Variants in APC observed in about 807,000 individuals in gnomAD.
The protein encoded by APC is adenomatous polyposis coli protein.
In APC, 72 loss-of-function variants were observed where a neutral mutation model predicts 247.0. The ratio of observed to expected loss-of-function variants is 0.29; its 90% CI spans 0.24 to 0.35. APC has a LOEUF of 0.35. Among genes scored for constraint, APC ranks in the 10% least tolerant of loss-of-function variants. The pLI is 1.00. For missense variants in APC, 3,400 were observed against 3,360.7 expected (o/e 1.01, Z -0.29); for synonymous variants, 1,254 against 1,162.5 (o/e 1.08, Z -1.60).
chr5:112,757,848 G>A lies in APC; in HGVS notation c.135+2823G>A, dbSNP rs13167961. ...GTCTTTGTAGCAGCCAGGGAAATAA[G>A]TGTTTATGGGTTAGGGAAATGTGAA... On this transcript the variant is annotated intron_variant, in intron 2 of 15. Coordinates refer to ENST00000257430, the MANE Select transcript of APC (RefSeq NM_000038.6). 1.6e-3 allele frequency among the ~76,000 whole-genome samples: 248 copies of A among 152,208 alleles called. 1 individual carries two copies. The highest frequency in any genetic ancestry group is 3.1e-3 in the Non-Finnish European group (209 of 67,994).
At chr5:112,791,049 T>G (rs1487263655) in intron 6 of APC, among the ~76,000 whole-genome samples, 1 of 152,232 alleles carries the variant, frequency 6.6e-6, no homozygotes, top group African/African-American at 2.4e-5. Context: ...GTTTGATTTG[T>G]CATAAACTAG....
chr5:112,713,398 T>A (rs933977836), intron 1 of APC, among the ~76,000 whole-genome samples: 1 of 152,110 alleles, frequency 6.6e-6, no homozygotes, highest in African/African-American at 2.4e-5. Flanking sequence ...TGTCCTTTCA[T>A]CTCTTAATTA....
intron 1 of APC, among the ~76,000 whole-genome samples, chr5:112,751,582 G>C (rs945473757): frequency 6.6e-6 from 1 of 151,556 alleles, no homozygotes; most frequent in African/African-American, 2.4e-5. Context: ...ATTGTAAATG[G>C]GATCTTTTCT....
intron 6 of APC, among the ~76,000 whole-genome samples, chr5:112,790,167 A>T (rs901405965): frequency 1.3e-5 from 2 of 151,870 alleles, no homozygotes; most frequent in Non-Finnish European, 2.9e-5. Context: ...GCCTGAGAAT[A>T]TTTTTTTACC....
intron 6 of APC, among the ~76,000 whole-genome samples, chr5:112,783,614 A>G (rs1050615706): frequency 3.4e-5 from 5 of 148,728 alleles, no homozygotes; most frequent in Non-Finnish European, 6.0e-5. Flanking sequence ...GCAAGATAGC[A>G]AGACCCTGCC....
intron 1 of APC, among the ~76,000 whole-genome samples, chr5:112,746,186 A>G (rs1369786683): frequency 6.6e-6 from 1 of 152,152 alleles, no homozygotes; most frequent in African/African-American, 2.4e-5. Flanking sequence ...TTAATACAAG[A>G]TGGAGAAAGC....
At chr5:112,720,906 T>C (rs948105217) in intron 1 of APC, among the ~76,000 whole-genome samples, 1 of 152,024 alleles carries the variant, frequency 6.6e-6, no homozygotes, top group African/African-American at 2.4e-5. Flanking sequence ...TTTTACCAGG[T>C]AACAGAGGGA....
Position 112,826,595 on chromosome 5 carries a change from AAAAAAAC to A in APC, c.1409-508_1409-502del, listed in dbSNP as rs1348503963. Among the ~76,000 whole-genome samples, 175 of 123,150 alleles carry A rather than the reference AAAAAAAC, an allele frequency of 1.4e-3. 1 individual carries two copies. Among genetic ancestry groups the A allele is most frequent in the African/African-American group, 4.6e-3 (164 of 35,320 alleles). The allele number at this position is 123,150 out of a possible 152,430, so 80.8% of individuals were successfully genotyped here. On this transcript the variant is annotated intron_variant, in intron 11 of 15. Coordinates refer to ENST00000257430, the MANE Select transcript of APC (RefSeq NM_000038.6). ...AGATGATCATTTTTTGTAAAAAAAA[AAAAAAAC>A]AAAACTTTTTAGTTTTTCTTCATGC...
chr5:112,754,785 A>G, intron 1 of APC, 88 bp from the exon 2 acceptor site: 1 of 1,236,836 alleles, frequency 8.1e-7, no homozygotes, highest in Non-Finnish European at 1.2e-6. Flanking sequence ...ACGTCTTAAG[A>G]GTTTTGTTTC....
chr5:112,836,177 C>CCCCCCA (rs1561571701), intron 15 of APC, among the ~76,000 whole-genome samples: 3 of 88,066 alleles, frequency 3.4e-5, no homozygotes, highest in East Asian at 5.8e-4. Flanking sequence ...CCCCCCCCCC[C>CCCCCCA]CCGCCACCGT....
intron 1 of APC, chr5:112,708,013 C>T: frequency 3.2e-6 from 3 of 934,192 alleles, no homozygotes; most frequent in East Asian, 4.7e-5. Flanking sequence ...CACCCTCTCC[C>T]CTCCCCGCAC....
At chr5:112,810,256 TAGG>T in intron 8 of APC, 5 of 394,298 alleles carry the variant, frequency 1.3e-5, no homozygotes, top group Non-Finnish European at 2.5e-5. Context: ...GGACCTTAGA[TAGG>T]AGGAGGGGAA....
chr5:112,772,608 C>T (rs566589888), intron 4 of APC, among the ~76,000 whole-genome samples: 1 of 152,042 alleles, frequency 6.6e-6, no homozygotes, highest in East Asian at 1.9e-4. Context: ...CCTCCGCCTC[C>T]CTGATTCAAG....
intron 2 of APC, among the ~76,000 whole-genome samples, chr5:112,761,736 A>G (rs1348813329): frequency 6.6e-6 from 1 of 152,234 alleles, no homozygotes; most frequent in Non-Finnish European, 1.5e-5. Context: ...AAGAAATTTG[A>G]TAGACCTCAT....
chr5:112,713,214 A>T (rs933066483), intron 1 of APC, among the ~76,000 whole-genome samples: 12 of 152,006 alleles, frequency 7.9e-5, no homozygotes, highest in Non-Finnish European at 1.5e-4. Flanking sequence ...AAGTCCAGAA[A>T]TGGAGTATTC....
In APC at chr5:112,819,448, G is replaced by A; in HGVS notation, c.1312+104G>A. ...AATATGCTGTCTTTATGACTAAGAGGAGAAAATTCATATCAGCCATTTGTG... is the reference window on the plus strand; with the variant it reads ...AATATGCTGTCTTTATGACTAAGAGAAGAAAATTCATATCAGCCATTTGTG... On this transcript the variant is annotated intron_variant, in intron 10 of 15. Transcript: ENST00000257430. 2.1e-6 allele frequency: 3 copies of A among 1,437,850 alleles called. No individual in the cohort carries two copies. In the East Asian group the frequency reaches 6.9e-5, roughly 33 times the overall value. The allele number at this position is 1,437,850 out of a possible 1,614,324, so 89.1% of individuals were successfully genotyped here.
chr5:112,743,389 G>A (rs1374334776), intron 1 of APC, among the ~76,000 whole-genome samples: 1 of 151,906 alleles, frequency 6.6e-6, no homozygotes, highest in Non-Finnish European at 1.5e-5. Flanking sequence ...TCTTTGTGGG[G>A]CCATACACAG....
chr5:112,810,122 T>C (rs555506440), intron 8 of APC: 1 of 456,108 alleles, frequency 2.2e-6, no homozygotes, highest in Non-Finnish European at 4.4e-6. Flanking sequence ...TTTCTGTTTT[T>C]AAGATAGAAA....
rs371117193 is a variant in APC, at chr5:112,839,039, G to A, written c.3445G>A (p.Glu1149Lys). The change falls in exon 16 of 16, where the codon GAA becomes AAA. Residue 1149 changes from glutamate (E) to lysine (K), a missense_variant. Physicochemically the swap from Glu to Lys is moderately conservative, Grantham distance 56. Coordinates refer to ENST00000257430, the MANE Select transcript of APC (RefSeq NM_000038.6). The surrounding 1 kb of genome is among the most constrained non-coding windows in gnomAD (Gnocchi z 5.0). ...KPTNYSERYS[E>K]EEQHEEEERP... ...TACCAATTATAGTGAACGTTACTCT[G>A]AAGAAGAACAGCATGAAGAAGAAGA... 3 of 1,613,990 alleles carry A rather than the reference G, an allele frequency of 1.9e-6. No homozygotes were observed. The highest frequency in any genetic ancestry group is 2.2e-5 in the East Asian group (1 of 44,864).
Sources: gnomAD v4.1 joint callset for allele counts (sites outside exome capture counted in the v4.1 genomes callset) on GRCh38, gnomAD v4.1.1 for gene constraint, Gnocchi (gnomAD v3.1) non-coding constraint, MANE v1.5 for transcripts, NCBI Gene and HGNC (gene_info 2026-07-23, HGNC 2026-07-21) for gene names.